Variants in SUGCT observed in about 807,000 individuals in gnomAD.
The protein encoded by SUGCT is succinyl-CoA:glutarate-CoA transferase.
SUGCT carries 41 observed loss-of-function variants against 55.0 expected under a neutral mutation model. The observed-to-expected ratio is 0.74, with a 90% CI of 0.58 to 0.97. The LOEUF is 0.97. SUGCT is among the 50% of genes least tolerant of loss of function. The pLI, the probability that SUGCT is intolerant of heterozygous loss-of-function variation, is 0.00. For synonymous variants in SUGCT, 187 were observed against 200.4 expected (o/e 0.93, Z 0.56); for missense variants, 568 against 547.8 (o/e 1.04, Z -0.37).
chr7:40,923,988 C>A, the SUGCT span, among the ~76,000 whole-genome samples: 1 of 152,232 alleles, frequency 6.6e-6, no homozygotes, highest in African/African-American at 2.4e-5. Flanking sequence ...AGAGTTCTCT[C>A]ATGAATGGGA....
intron 9 of SUGCT, among the ~76,000 whole-genome samples, chr7:40,392,368 TAGAGAGG>T (rs1785486556): frequency 6.6e-6 from 1 of 151,950 alleles, no homozygotes; most frequent in African/African-American, 2.4e-5. Context: ...GTCATGGAGA[TAGAGAGG>T]TGGACAGGTA....
At chr7:40,795,616 A>G (rs559081101) in intron 13 of SUGCT, among the ~76,000 whole-genome samples, 1 of 152,304 alleles carries the variant, frequency 6.6e-6, no homozygotes, top group East Asian at 1.9e-4. Context: ...CGACACAGAG[A>G]TATAATAATC....
At chr7:40,777,586 C>G (rs1373782972) in intron 13 of SUGCT, among the ~76,000 whole-genome samples, 1 of 151,988 alleles carries the variant, frequency 6.6e-6, no homozygotes, top group Non-Finnish European at 1.5e-5. Flanking sequence ...TCACATGAAC[C>G]AGGAGCTACA....
intron 8 of SUGCT, among the ~76,000 whole-genome samples, chr7:40,283,497 A>G (rs1247630893): frequency 6.6e-6 from 1 of 152,074 alleles, no homozygotes; most frequent in African/African-American, 2.4e-5. Flanking sequence ...CCAAAATGCT[A>G]GGATTACATG....
At chr7:40,396,776 G>A (rs1019297994) in intron 9 of SUGCT, among the ~76,000 whole-genome samples, 7 of 152,190 alleles carry the variant, frequency 4.6e-5, no homozygotes, top group Admixed American at 3.3e-4. Flanking sequence ...TACTTATTTT[G>A]TTTATTCATC....
At chr7:40,654,434 C>T (rs1800923340) in intron 12 of SUGCT, among the ~76,000 whole-genome samples, 1 of 152,206 alleles carries the variant, frequency 6.6e-6, no homozygotes, top group South Asian at 2.1e-4. Flanking sequence ...AAAAACTCAA[C>T]ACCTCCTCCT....
chr7:40,375,251 C>T (rs1195643293), intron 9 of SUGCT, among the ~76,000 whole-genome samples: 1 of 152,092 alleles, frequency 6.6e-6, no homozygotes, highest in Non-Finnish European at 1.5e-5. Context: ...GGTGTTTTAT[C>T]AGTAACACAA....
chr7:40,455,302 G>C (rs1255233365), intron 10 of SUGCT, among the ~76,000 whole-genome samples: 1 of 151,996 alleles, frequency 6.6e-6, no homozygotes, highest in Non-Finnish European at 1.5e-5. Context: ...AAGCAAAACA[G>C]GGATAAACAG....
At chr7:40,697,645 T>A (rs1220329505) in intron 12 of SUGCT, among the ~76,000 whole-genome samples, 2 of 152,080 alleles carry the variant, frequency 1.3e-5, no homozygotes, top group Non-Finnish European at 2.9e-5. Flanking sequence ...CTCAAAAAAG[T>A]TGATGGCTGA....
chr7:40,424,294 T>C (rs1787470179), intron 9 of SUGCT, among the ~76,000 whole-genome samples: 1 of 152,164 alleles, frequency 6.6e-6, no homozygotes, highest in Admixed American at 6.5e-5. Context: ...TATTGGAGTA[T>C]GTCAGCGCCT....
the SUGCT span, among the ~76,000 whole-genome samples, chr7:40,885,152 T>G: frequency 3.9e-5 from 6 of 152,228 alleles, no homozygotes; most frequent in African/African-American, 1.4e-4. Flanking sequence ...GTTATGGTAT[T>G]GGTGTTGAGG....
At chr7:40,171,590 A>C (rs889154514) in intron 1 of SUGCT, among the ~76,000 whole-genome samples, 1 of 152,208 alleles carries the variant, frequency 6.6e-6, no homozygotes, top group Non-Finnish European at 1.5e-5. Context: ...TAGACTTTTG[A>C]GTTAGTAAGC....
At chr7:40,828,877 C>A (rs913372964) in intron 13 of SUGCT, among the ~76,000 whole-genome samples, 1 of 152,056 alleles carries the variant, frequency 6.6e-6, no homozygotes, top group South Asian at 2.1e-4. Context: ...GAAAAAGAAG[C>A]GGTTTGGACC....
chr7:40,876,450 A>G, the SUGCT span, among the ~76,000 whole-genome samples: 1 of 152,224 alleles, frequency 6.6e-6, no homozygotes, highest in Non-Finnish European at 1.5e-5. Flanking sequence ...GAAAGAACAG[A>G]AGGACCATAC....
At chr7:40,911,472 GT>G in the SUGCT span, among the ~76,000 whole-genome samples, 21 of 151,742 alleles carry the variant, frequency 1.4e-4, no homozygotes, top group East Asian at 4.1e-3. Context: ...GGAGGCTGAA[GT>G]AGGAGGGTCA....
chr7:40,841,333 C>A (rs1793271347), intron 13 of SUGCT, among the ~76,000 whole-genome samples: 2 of 151,922 alleles, frequency 1.3e-5, no homozygotes, highest in Admixed American at 6.6e-5. Flanking sequence ...GACTTAGAGA[C>A]CTAAGAGTAT....
At chr7:40,722,549 CT>C (rs1786399994) in intron 12 of SUGCT, among the ~76,000 whole-genome samples, 1 of 152,118 alleles carries the variant, frequency 6.6e-6, no homozygotes, top group South Asian at 2.1e-4. Context: ...TGAAAATGGA[CT>C]TTTTTGCTTC....
chr7:40,912,054 C>T, the SUGCT span, among the ~76,000 whole-genome samples: 1 of 152,132 alleles, frequency 6.6e-6, no homozygotes, highest in Admixed American at 6.5e-5. Flanking sequence ...TTTTATATGA[C>T]AAATTTACTG....
chr7:40,741,293 T>TAA (rs1383558444), intron 12 of SUGCT, among the ~76,000 whole-genome samples: 1 of 150,230 alleles, frequency 6.7e-6, no homozygotes, highest in Non-Finnish European at 1.5e-5. Context: ...GAAAGAAAAA[T>TAA]AAAAATATAA....
Sources: allele counts gnomAD v4.1 joint callset (sites outside exome capture counted in the v4.1 genomes callset), GRCh38; gene constraint gnomAD v4.1.1; transcripts MANE v1.5; gene names NCBI Gene and HGNC (gene_info 2026-07-23, HGNC 2026-07-21).